SNX11: variants seen among roughly 807,000 people sequenced by gnomAD.
SNX11 encodes sorting nexin-11.
A neutral mutation model predicts 30.7 loss-of-function variants in SNX11; 19 were observed. The observed-to-expected ratio is 0.62, with a 90% CI of 0.43 to 0.91. The LOEUF (loss-of-function observed/expected upper bound fraction) is 0.91, where lower values mean the gene tolerates loss of function less well. Among genes scored for constraint, SNX11 ranks in the 40% least tolerant of loss-of-function variants. SNX11 has a pLI of 0.00. For missense variants in SNX11, 302 were observed against 326.7 expected (o/e 0.92, Z 0.58); for synonymous variants, 112 against 119.0 (o/e 0.94, Z 0.38).
At chr17:48,111,136 A>C (rs2063487857) in intron 1 of SNX11, 1 of 985,282 alleles carries the variant, frequency 1.0e-6, no homozygotes, top group Non-Finnish European at 1.2e-6. Flanking sequence ...AAGTAATTAG[A>C]ACAATTGGCT....
In SNX11 at chr17:48,123,445, CCTT is replaced by C. The variant is rs1166804390; in HGVS notation, c.*1943_*1945del. 5.3e-5 allele frequency among the ~76,000 whole-genome samples: 8 copies of C among 152,036 alleles called. No homozygotes were observed. The highest frequency in any genetic ancestry group is 4.1e-4 in the South Asian group (2 of 4,820). ...CCAAAAAAACAGCAAGCTGGGTTGG[CCTT>C]CTTCTGTTTGCTCCTTTTCTTCCTG... On this transcript the variant is annotated 3_prime_UTR_variant, in exon 7 of 7. Coordinates refer to ENST00000359238, the MANE Select transcript of SNX11 (RefSeq NM_013323.3).
chr17:48,121,130 C>G, intron 6 of SNX11, 105 bp from the exon 7 acceptor site: 1 of 1,250,284 alleles, frequency 8.0e-7, no homozygotes, highest in Non-Finnish European at 1.1e-6. Flanking sequence ...GGATTACAGG[C>G]ACATGCCAAC....
intron 4 of SNX11, among the ~76,000 whole-genome samples, chr17:48,118,407 G>A (rs556787197): frequency 1.4e-4 from 21 of 151,990 alleles, no homozygotes; most frequent in Non-Finnish European, 2.2e-4. Flanking sequence ...GTGAAACCCC[G>A]TCTCTATTAA....
chr17:48,121,230 T>C lies in SNX11; in HGVS notation c.540-5T>C. 1 of 1,613,886 alleles carries C rather than the reference T, an allele frequency of 6.2e-7. No individual in the cohort carries two copies. On this transcript the variant is annotated splice_polypyrimidine_tract_variant and splice_region_variant and intron_variant, in intron 6 of 6. Transcript: ENST00000359238. Reference sequence around the variant, plus strand: ...CTTTCTTTTCCCTTTCCCACTCTTTTCCAGTTGCTGCTTTCTTCCAAGATC... The same window carrying C: ...CTTTCTTTTCCCTTTCCCACTCTTTCCCAGTTGCTGCTTTCTTCCAAGATC...
At position 48,115,313 on chromosome 17, in the gene SNX11, C is replaced by T. The variant is rs531984466; in HGVS notation, c.230+1912C>T. Among the ~76,000 whole-genome samples, 7 of 151,486 alleles carry T rather than the reference C, an allele frequency of 4.6e-5. No individual in the cohort carries two copies. The East Asian group carries it at 5.9e-4, about 13-fold the overall frequency. On this transcript the variant is annotated intron_variant, in intron 4 of 6. Coordinates refer to ENST00000359238, the MANE Select transcript of SNX11 (RefSeq NM_013323.3). Reference sequence around the variant, plus strand: ...CCAACCTCAGGCAATCCGCCTGCCTCGGCCTCCCAAAGTGCTGGGATTACA... The same window carrying T: ...CCAACCTCAGGCAATCCGCCTGCCTTGGCCTCCCAAAGTGCTGGGATTACA...
chr17:48,119,565 C>T (rs2063578300), intron 6 of SNX11, among the ~76,000 whole-genome samples: 1 of 152,132 alleles, frequency 6.6e-6, no homozygotes, highest in Admixed American at 6.6e-5. Context: ...GATTCTCCTG[C>T]CTCAGCTTCC....
chr17:48,108,217 C>G (rs1452505332), intron 1 of SNX11, among the ~76,000 whole-genome samples: 1 of 152,158 alleles, frequency 6.6e-6, no homozygotes, highest in African/African-American at 2.4e-5. Flanking sequence ...ACACGGGAGA[C>G]TTGGCGGTAG....
intron 1 of SNX11, chr17:48,111,108 A>G (rs2063487680): frequency 2.0e-6 from 2 of 985,298 alleles, no homozygotes; most frequent in Admixed American, 6.2e-5. Context: ...TACAAACCGG[A>G]TGGCATGTCA....
At chr17:48,109,277 T>C (rs1484636116) in intron 1 of SNX11, among the ~76,000 whole-genome samples, 4 of 150,872 alleles carry the variant, frequency 2.7e-5, no homozygotes, top group Non-Finnish European at 3.0e-5. Context: ...TTTTTTTTTT[T>C]TGAGACGGAG....
chr17:48,113,534 T>C, intron 4 of SNX11, 133 bp downstream of exon 4: 1 of 639,670 alleles, frequency 1.6e-6, no homozygotes, highest in Admixed American at 2.9e-5. Flanking sequence ...GTTGTTTCTT[T>C]TTTTGTTTTT....
intron 2 of SNX11, 71 bp downstream of exon 2, chr17:48,112,156 G>C (rs2063498756): frequency 7.5e-7 from 1 of 1,333,808 alleles, no homozygotes; most frequent in African/African-American, 1.4e-5. Flanking sequence ...AGAGGACATA[G>C]AGATGCAAAT....
intron 4 of SNX11, 158 bp downstream of exon 4, chr17:48,113,559 T>C (rs1436808264): frequency 1.9e-6 from 1 of 534,820 alleles, no homozygotes; most frequent in Non-Finnish European, 3.4e-6. Context: ...TTTTTTTTTT[T>C]TTTTGATGTA....
chr17:48,115,111 G>T (rs1168012237), intron 4 of SNX11, among the ~76,000 whole-genome samples: 1 of 149,742 alleles, frequency 6.7e-6, no homozygotes, highest in Non-Finnish European at 1.5e-5. Context: ...GCCCAGGCTG[G>T]AGTACAATGG....
In SNX11 at chr17:48,118,793, T is replaced by C. The variant is rs778019876; in HGVS notation, c.320T>C (p.Leu107Pro). 9 of 1,613,588 alleles carry C rather than the reference T, an allele frequency of 5.6e-6. No homozygotes were observed. The highest frequency in any genetic ancestry group is 7.6e-6 in the Non-Finnish European group (9 of 1,179,636). ...CGACGACAAGGTCTGCAGCACTTCC[T>C]TGAAAAGTGAGTGGACAGAACGGCT... is the stretch of plus-strand genomic sequence containing the variant. The part of the protein sequence containing the change: ...EKRRQGLQHF[L>P]EKVLQSVVLL... The change falls in exon 5 of 7, where the codon CTT becomes CCT. Residue 107 changes from leucine (L) to proline (P), a missense_variant. Physicochemically the swap from Leu to Pro is moderately conservative, Grantham distance 98. Transcript: ENST00000359238.
intron 1 of SNX11, among the ~76,000 whole-genome samples, chr17:48,109,125 GT>G (rs1374553974): frequency 1.3e-5 from 2 of 150,892 alleles, no homozygotes; most frequent in African/African-American, 2.4e-5. Flanking sequence ...TAGAGACGAA[GT>G]TTTGCCTTGT....
At chr17:48,111,782 G>A (rs1325656033) in intron 1 of SNX11, among the ~76,000 whole-genome samples, 3 of 152,096 alleles carry the variant, frequency 2.0e-5, no homozygotes, top group Admixed American at 6.6e-5. Flanking sequence ...ACTCCAACAC[G>A]CTTTGGGGAG....
At position 48,123,324 on chromosome 17, in the gene SNX11, A is replaced by C. The variant is rs917848474; in HGVS notation, c.*1816A>C. 6.6e-5 allele frequency among the ~76,000 whole-genome samples: 10 copies of C among 152,116 alleles called. No homozygotes were observed. Among genetic ancestry groups the C allele is most frequent in the Non-Finnish European group, 1.2e-4 (8 of 68,018 alleles). Reference sequence around the variant, plus strand: ...GAATATTAATGAGCCCAATGCTCCAAATGGTGCAGCTGTGAACCCAGCTGT... The same window carrying C: ...GAATATTAATGAGCCCAATGCTCCACATGGTGCAGCTGTGAACCCAGCTGT... On this transcript the variant is annotated 3_prime_UTR_variant, in exon 7 of 7. Coordinates refer to ENST00000359238, the MANE Select transcript of SNX11 (RefSeq NM_013323.3).
chr17:48,113,450 T>A, intron 4 of SNX11, 49 bp downstream of exon 4: 1 of 1,344,586 alleles, frequency 7.4e-7, no homozygotes, highest in Non-Finnish European at 1.1e-6. Context: ...GCTTTTTGGG[T>A]GCTTATGTAG....
At position 48,113,329 on chromosome 17, in the gene SNX11, C is replaced by T; in HGVS notation, c.158C>T (p.Thr53Ile). 1 of 1,613,650 alleles carries T rather than the reference C, an allele frequency of 6.2e-7. No homozygotes were observed. The highest frequency in any genetic ancestry group is 8.5e-7 in the Non-Finnish European group (1 of 1,179,750). Reference sequence around the variant, plus strand: ...AACAGCAAAGCCTTTACTGCCAAGACTTCCTGTGTGCGGCGCCGCTACCGT... The same window carrying T: ...AACAGCAAAGCCTTTACTGCCAAGATTTCCTGTGTGCGGCGCCGCTACCGT... Reference protein sequence around the residue: ...HTNSKAFTAKTSCVRRRYREF... With the variant: ...HTNSKAFTAKISCVRRRYREF... The change falls in exon 4 of 7, where the codon ACT becomes ATT. Residue 53 changes from threonine (T) to isoleucine (I), a missense_variant. Coordinates refer to ENST00000359238, the MANE Select transcript of SNX11 (RefSeq NM_013323.3).
Sources: allele counts gnomAD v4.1 joint callset (sites outside exome capture counted in the v4.1 genomes callset), GRCh38; gene constraint gnomAD v4.1.1; transcripts MANE v1.5; gene names NCBI Gene and HGNC (gene_info 2026-07-23, HGNC 2026-07-21).